The following NOXRED1 variants were observed in gnomAD, a reference collection of about 807,000 sequenced individuals.
The protein encoded by NOXRED1 is NADP dependent oxidoreductase domain containing 1.
In NOXRED1, 20 loss-of-function variants were observed where a neutral mutation model predicts 30.4. The observed-to-expected ratio is 0.66, with a 90% CI of 0.46 to 0.96. The LOEUF (loss-of-function observed/expected upper bound fraction) is 0.96. Ranked by LOEUF, NOXRED1 falls within the 40% of genes least tolerant of loss-of-function variation. NOXRED1 has a pLI of 0.00. For missense variants in NOXRED1, 374 were observed against 428.0 expected (o/e 0.87, Z 1.11); for synonymous variants, 155 against 168.0 (o/e 0.92, Z 0.60).
intron 2 of NOXRED1, among the ~76,000 whole-genome samples, chr14:77,407,909 C>G (rs932537219): frequency 6.6e-6 from 1 of 150,650 alleles, no homozygotes; most frequent in Admixed American, 6.6e-5. Flanking sequence ...ACTCTGACGC[C>G]CAGGCTGCAG....
upstream of NOXRED1, among the ~76,000 whole-genome samples, chr14:77,424,647 C>A (rs534463711): frequency 2.6e-5 from 4 of 152,332 alleles, no homozygotes; most frequent in East Asian, 7.7e-4. Flanking sequence ...CCTAGATTAG[C>A]ATGACCAATG....
chr14:77,424,268 G>C (rs1191543963), upstream of NOXRED1, among the ~76,000 whole-genome samples: 1 of 152,124 alleles, frequency 6.6e-6, no homozygotes, highest in African/African-American at 2.4e-5. Flanking sequence ...GACTAACACG[G>C]TGAAACCCCA....
intron 2 of NOXRED1, among the ~76,000 whole-genome samples, chr14:77,410,195 G>A (rs1480985612): frequency 2.6e-5 from 4 of 152,090 alleles, no homozygotes; most frequent in African/African-American, 9.7e-5. Context: ...CACTTTCAGA[G>A]GGTGAAGTGG....
intron 1 of NOXRED1, among the ~76,000 whole-genome samples, chr14:77,415,581 T>TAC (rs1894788585): frequency 1.5e-5 from 2 of 137,530 alleles, no homozygotes; most frequent in African/African-American, 5.5e-5. Flanking sequence ...AAAAAGAAAA[T>TAC]ACATATAGAT....
chr14:77,415,614 AT>A (rs1159413367), intron 1 of NOXRED1, among the ~76,000 whole-genome samples: 2 of 147,470 alleles, frequency 1.4e-5, no homozygotes, highest in African/African-American at 4.9e-5. Context: ...AGATAGATAG[AT>A]AGATAGATAG....
At chr14:77,401,273 G>C (rs1000333577) in intron 5 of NOXRED1, among the ~76,000 whole-genome samples, 1 of 152,078 alleles carries the variant, frequency 6.6e-6, no homozygotes, top group Non-Finnish European at 1.5e-5. Flanking sequence ...TGGGGAGGCT[G>C]AGGCAAGAGA....
upstream of NOXRED1, among the ~76,000 whole-genome samples, chr14:77,425,021 G>T (rs1895090554): frequency 6.6e-6 from 1 of 152,052 alleles, no homozygotes; most frequent in African/African-American, 2.4e-5. Flanking sequence ...CTCACTCCTG[G>T]GCCAGGTGTT....
chr14:77,405,864 G>A (rs1894443007), intron 5 of NOXRED1, 49 bp downstream of exon 5: 1 of 1,098,598 alleles, frequency 9.1e-7, no homozygotes. Flanking sequence ...CATTAACTAA[G>A]AGAAGAGTCT....
At chr14:77,424,862 A>T (rs1007031560), upstream of NOXRED1, among the ~76,000 whole-genome samples, 29 of 152,230 alleles carry the variant, frequency 1.9e-4, no homozygotes, top group African/African-American at 7.0e-4. Context: ...GGAAATGAAC[A>T]GTAACCAGTC....
chr14:77,396,666 C>G (rs1408676793), intron 5 of NOXRED1, among the ~76,000 whole-genome samples: 2 of 152,054 alleles, frequency 1.3e-5, no homozygotes, highest in Non-Finnish European at 2.9e-5. Context: ...CATGTGGACA[C>G]CAAAATTGAA....
chr14:77,417,471 C>T (rs1034264000), intron 1 of NOXRED1, among the ~76,000 whole-genome samples: 1 of 152,218 alleles, frequency 6.6e-6, no homozygotes, highest in Non-Finnish European at 1.5e-5. Flanking sequence ...ATGTTAAGTA[C>T]ATATATAATT....
upstream of NOXRED1, among the ~76,000 whole-genome samples, chr14:77,424,269 T>C (rs1208351538): frequency 6.6e-6 from 1 of 152,040 alleles, no homozygotes; most frequent in Non-Finnish European, 1.5e-5. Context: ...ACTAACACGG[T>C]GAAACCCCAT....
intron 3 of NOXRED1, among the ~76,000 whole-genome samples, chr14:77,407,129 TTCAG>T (rs1393807421): frequency 2.0e-5 from 3 of 152,218 alleles, no homozygotes; most frequent in African/African-American, 7.2e-5. Flanking sequence ...GACACATACT[TTCAG>T]TAACTTTTCA....
chr14:77,397,073 T>C (rs1894208252), intron 5 of NOXRED1, among the ~76,000 whole-genome samples: 1 of 152,234 alleles, frequency 6.6e-6, no homozygotes, highest in Admixed American at 6.5e-5. Flanking sequence ...TGGACACTTA[T>C]GTTCACACAA....
In NOXRED1 at chr14:77,416,789, G is replaced by C. The variant is rs71413462; in HGVS notation, c.156-2662C>G. On this transcript the variant is annotated intron_variant, in intron 1 of 5. Coordinates refer to ENST00000380835, the MANE Select transcript of NOXRED1 (RefSeq NM_001113475.3). ...TCCCAGTAGGGGCGGCCGGGCAGAG[G>C]CGCCCCTCACCTCCCGGACAGGGCG... 1.3e-4 allele frequency among the ~76,000 whole-genome samples: 20 copies of C among 150,492 alleles called. No individual in the cohort carries two copies. The East Asian group carries it at 3.9e-3, about 29-fold the overall frequency.
At chr14:77,406,995 C>A in intron 3 of NOXRED1, 120 bp from the exon 4 acceptor site, 1 of 861,546 alleles carries the variant, frequency 1.2e-6, no homozygotes, top group South Asian at 1.6e-5. Flanking sequence ...GAGATAAATG[C>A]GGGTCTGGGT....
chr14:77,425,736 A>G (rs561438903), upstream of NOXRED1, among the ~76,000 whole-genome samples: 13 of 152,208 alleles, frequency 8.5e-5, no homozygotes, highest in Non-Finnish European at 1.6e-4. Flanking sequence ...CCTGACCTCT[A>G]CCCACTGGAT....
chr14:77,419,041 GTTGT>G (rs1452143729), intron 1 of NOXRED1, among the ~76,000 whole-genome samples: 1 of 147,586 alleles, frequency 6.8e-6, no homozygotes, highest in Non-Finnish European at 1.5e-5. Flanking sequence ...GTTTTTTGTT[GTTGT>G]TTATCTGGGA....
chr14:77,410,408 C>G (rs1200179921), intron 2 of NOXRED1, among the ~76,000 whole-genome samples: 1 of 151,972 alleles, frequency 6.6e-6, no homozygotes, highest in African/African-American at 2.4e-5. Flanking sequence ...AGTTCGAGAC[C>G]AGCCTGGCCA....
Sources: gnomAD v4.1 joint callset for allele counts (sites outside exome capture counted in the v4.1 genomes callset) on GRCh38, gnomAD v4.1.1 for gene constraint, MANE v1.5 for transcripts, NCBI Gene and HGNC (gene_info 2026-07-23, HGNC 2026-07-21) for gene names.